Variants in ALPK1 observed in about 807,000 individuals in gnomAD.
ALPK1 encodes alpha kinase 1, also known as alpha-protein kinase 1.
A neutral mutation model predicts 120.6 loss-of-function variants in ALPK1; 110 were observed. The observed-to-expected ratio is 0.91, with a 90% CI of 0.78 to 1.07. ALPK1 has a LOEUF of 1.07. Among genes scored for constraint, ALPK1 ranks in the 50% least tolerant of loss-of-function variants. The probability of loss-of-function intolerance (pLI) is 0.00; values close to 1 mark genes in which losing one functional copy is unlikely to be tolerated. For missense variants in ALPK1, 1,498 were observed against 1,483.9 expected, an observed-to-expected ratio of 1.01 and a Z score of -0.16; for synonymous variants, 582 against 560.3, an observed-to-expected ratio of 1.04 and a Z score of -0.55.
At chr4:112,315,111 A>G (rs1728577644) in intron 1 of ALPK1, among the ~76,000 whole-genome samples, 2 of 151,796 alleles carry the variant, frequency 1.3e-5, no homozygotes, top group African/African-American at 2.4e-5. Flanking sequence ...TGAACTCTTG[A>G]CCTCACATGA....
chr4:112,357,486 GT>G (rs1730689990), intron 2 of ALPK1: 4 of 743,860 alleles, frequency 5.4e-6, no homozygotes, highest in South Asian at 3.3e-5. Flanking sequence ...TGAGCTACTG[GT>G]GCTTCAGTCC....
intron 6 of ALPK1, 97 bp from the exon 7 acceptor site, chr4:112,425,568 G>C: frequency 1.0e-6 from 1 of 953,384 alleles, no homozygotes; most frequent in Admixed American, 2.0e-5. Context: ...TTCTCAAAAT[G>C]ATGTCACATG....
intron 2 of ALPK1, among the ~76,000 whole-genome samples, chr4:112,361,476 T>C (rs1449252192): frequency 6.6e-6 from 1 of 152,186 alleles, no homozygotes; most frequent in Non-Finnish European, 1.5e-5. Flanking sequence ...GTGTGTGTAA[T>C]GCAGCAGAGA....
intron 5 of ALPK1, among the ~76,000 whole-genome samples, chr4:112,420,580 A>G (rs1302431391): frequency 6.6e-6 from 1 of 152,214 alleles, no homozygotes; most frequent in African/African-American, 2.4e-5. Flanking sequence ...CAATGGGGAT[A>G]TAGGAAAAGA....
At chr4:112,377,204 G>A (rs1308745059) in intron 2 of ALPK1, among the ~76,000 whole-genome samples, 1 of 152,066 alleles carries the variant, frequency 6.6e-6, no homozygotes, top group African/African-American at 2.4e-5. Context: ...TGCCTATCTT[G>A]GTCCAAATTA....
chr4:112,386,052 A>G (rs1732137772), intron 4 of ALPK1, among the ~76,000 whole-genome samples: 2 of 152,250 alleles, frequency 1.3e-5, no homozygotes, highest in Non-Finnish European at 2.9e-5. Context: ...GCAAGTCACA[A>G]ACAACTGTTT....
intron 2 of ALPK1, among the ~76,000 whole-genome samples, chr4:112,369,797 T>C (rs779284832): frequency 2.0e-5 from 3 of 152,250 alleles, no homozygotes; most frequent in Non-Finnish European, 4.4e-5. Context: ...AATTCCAACA[T>C]AGATAATTTA....
chr4:112,336,684 G>A (rs778065606), intron 2 of ALPK1, among the ~76,000 whole-genome samples: 21 of 152,084 alleles, frequency 1.4e-4, no homozygotes, highest in Non-Finnish European at 2.8e-4. Flanking sequence ...CAACAACAGC[G>A]TCTTCTATAG....
chr4:112,329,962 C>T (rs1054890290), intron 2 of ALPK1, among the ~76,000 whole-genome samples: 6 of 152,270 alleles, frequency 3.9e-5, no homozygotes, highest in South Asian at 2.1e-4. Flanking sequence ...TACTTACTTA[C>T]GTATTTACTT....
At chr4:112,358,160 G>A (rs1730733491) in intron 2 of ALPK1, 2 of 616,030 alleles carry the variant, frequency 3.2e-6, no homozygotes, top group Admixed American at 2.0e-5. Flanking sequence ...GTCCAGGGCT[G>A]TGAACCAGGC....
At chr4:112,440,141 C>CT (rs1259695965) in intron 14 of ALPK1, among the ~76,000 whole-genome samples, 3 of 152,120 alleles carry the variant, frequency 2.0e-5, no homozygotes, top group Admixed American at 1.3e-4. Flanking sequence ...TCTATAACAG[C>CT]TTTTTTTATT....
intron 4 of ALPK1, among the ~76,000 whole-genome samples, chr4:112,397,620 G>C (rs1243429208): frequency 2.6e-5 from 4 of 152,134 alleles, no homozygotes; most frequent in Admixed American, 2.0e-4. Flanking sequence ...ATATTGCTTT[G>C]ATCACAGAAC....
chr4:112,370,593 A>G (rs1475858962), intron 2 of ALPK1, among the ~76,000 whole-genome samples: 1 of 152,216 alleles, frequency 6.6e-6, no homozygotes. Flanking sequence ...GAAGTTGACC[A>G]AAATTTCCAG....
intron 2 of ALPK1, among the ~76,000 whole-genome samples, chr4:112,320,675 T>G (rs1728828511): frequency 2.6e-5 from 4 of 152,254 alleles, no homozygotes; most frequent in Admixed American, 2.6e-4. Context: ...GTCCTGAACT[T>G]TTTTTGTTGG....
At chr4:112,388,680 C>A (rs751740212) in intron 4 of ALPK1, among the ~76,000 whole-genome samples, 1 of 149,104 alleles carries the variant, frequency 6.7e-6, no homozygotes, top group Non-Finnish European at 1.5e-5. Flanking sequence ...ATTCAACAAA[C>A]TTTACTGGGT....
chr4:112,363,123 A>G (rs1361783761), intron 2 of ALPK1, among the ~76,000 whole-genome samples: 1 of 152,244 alleles, frequency 6.6e-6, no homozygotes, highest in Non-Finnish European at 1.5e-5. Flanking sequence ...AATACATCAA[A>G]ATAGGATTTC....
intron 11 of ALPK1, among the ~76,000 whole-genome samples, chr4:112,433,799 AT>A (rs1370889610): frequency 6.6e-6 from 1 of 152,206 alleles, no homozygotes; most frequent in African/African-American, 2.4e-5. Flanking sequence ...TGGCTATTAA[AT>A]AGTAGTTCTC....
chr4:112,365,696 G>GA (rs375140300), intron 2 of ALPK1, among the ~76,000 whole-genome samples: 1 of 152,064 alleles, frequency 6.6e-6, no homozygotes, highest in African/African-American at 2.4e-5. Flanking sequence ...CACAGAACTA[G>GA]AAAAAACAAT....
intron 1 of ALPK1, among the ~76,000 whole-genome samples, chr4:112,301,305 A>C (rs1169631117): frequency 6.6e-6 from 1 of 152,176 alleles, no homozygotes; most frequent in Non-Finnish European, 1.5e-5. Context: ...CAGGTTACTC[A>C]ATAAGCAACA....
Sources: allele counts gnomAD v4.1 joint callset (sites outside exome capture counted in the v4.1 genomes callset), GRCh38; gene constraint gnomAD v4.1.1; transcripts MANE v1.5; gene names NCBI Gene and HGNC (gene_info 2026-07-23, HGNC 2026-07-21).